The following DRC4 variants were observed in gnomAD, a reference collection of about 807,000 sequenced individuals.
The protein encoded by DRC4 is GAS-11.
the DRC4 span, among the ~76,000 whole-genome samples, chr16:90,041,660 T>A: frequency 6.6e-6 from 1 of 151,980 alleles, no homozygotes. Flanking sequence ...AAAAATTAGC[T>A]GGGCTTGGTG....
chr16:90,042,616 C>T, the DRC4 span: 27 of 1,133,716 alleles, frequency 2.4e-5, no homozygotes, highest in Non-Finnish European at 3.4e-5. Context: ...TCTGAGGACC[C>T]CACCTGTGCC....
At chr16:90,043,243 C>T in the DRC4 span, 59 of 1,613,660 alleles carry the variant, frequency 3.7e-5, no homozygotes, top group Admixed American at 2.8e-4. Flanking sequence ...TGCTGGCCTT[C>T]GGGATCCCTC....
chr16:90,044,166 C>A, the DRC4 span: 1 of 455,000 alleles, frequency 2.2e-6, no homozygotes, highest in Admixed American at 2.4e-5. Flanking sequence ...GCTTCTGCGG[C>A]GGCTCCAGTG....
chr16:90,027,597 G>A, the DRC4 span: 2 of 1,596,152 alleles, frequency 1.3e-6, no homozygotes, highest in African/African-American at 2.7e-5. Flanking sequence ...AGAAGGGGAA[G>A]CTGTTAGAGT....
At chr16:90,031,179 T>C in the DRC4 span, 4 of 1,532,538 alleles carry the variant, frequency 2.6e-6, no homozygotes, top group East Asian at 7.3e-5. Flanking sequence ...CATTTAGCTG[T>C]TTATTTTTAG....
chr16:90,042,565 G>T, the DRC4 span: 1 of 1,593,306 alleles, frequency 6.3e-7, no homozygotes, highest in East Asian at 2.2e-5. Context: ...TCCCTCAGGG[G>T]CACCCCCTCG....
the DRC4 span, among the ~76,000 whole-genome samples, chr16:90,024,168 G>T: frequency 8.5e-6 from 1 of 117,148 alleles, no homozygotes; most frequent in Non-Finnish European, 1.9e-5. Flanking sequence ...AAAATTAGCC[G>T]GGTGTGGTGG....
the DRC4 span, among the ~76,000 whole-genome samples, chr16:90,028,173 ATTTTTT>A: frequency 1.9e-4 from 12 of 63,832 alleles, no homozygotes; most frequent in Admixed American, 4.8e-4. Context: ...TTAATCGTTC[ATTTTTT>A]TTTTTTTTTT....
chr16:90,020,769 T>C, the DRC4 span: 5 of 152,240 alleles, frequency 3.3e-5, no homozygotes, highest in African/African-American at 1.2e-4. Flanking sequence ...CTGTCTAGGC[T>C]ATCCTGAGCT....
chr16:90,020,147 C>G, the DRC4 span: 3 of 554,878 alleles, frequency 5.4e-6, no homozygotes, highest in South Asian at 2.2e-5. Context: ...CACATTAGAT[C>G]ATTGCATTTG....
the DRC4 span, among the ~76,000 whole-genome samples, chr16:90,024,157 C>CACACACACACACACACAA: frequency 1.3e-5 from 2 of 148,814 alleles, no homozygotes; most frequent in Non-Finnish European, 3.0e-5. Context: ...CACACACACA[C>CACACACACACACACACAA]AAAATTAGCC....
At chr16:90,039,087 C>G in the DRC4 span, among the ~76,000 whole-genome samples, 15 of 152,204 alleles carry the variant, frequency 9.9e-5, no homozygotes, top group African/African-American at 3.4e-4. Flanking sequence ...CTAGGCTGTG[C>G]CAACTCTTGG....
chr16:90,043,223 G>C, the DRC4 span: 1 of 1,613,508 alleles, frequency 6.2e-7, no homozygotes, highest in Non-Finnish European at 8.5e-7. Context: ...GCGCACGTAT[G>C]AGGCAAAGCT....
the DRC4 span, chr16:90,043,393 C>T: frequency 9.2e-5 from 142 of 1,541,440 alleles, no homozygotes; most frequent in East Asian, 2.9e-4. Context: ...TAGGAACACT[C>T]GGGATGACAC....
At chr16:90,027,139 G>A in the DRC4 span, among the ~76,000 whole-genome samples, 1 of 150,230 alleles carries the variant, frequency 6.7e-6, no homozygotes, top group Non-Finnish European at 1.5e-5. Context: ...TGGCTGGAGT[G>A]CAGTGGTGTG....
chr16:90,042,750 C>T, the DRC4 span, among the ~76,000 whole-genome samples: 2 of 152,196 alleles, frequency 1.3e-5, no homozygotes, highest in Non-Finnish European at 2.9e-5. Context: ...CATGTCTCTG[C>T]TGGGATGGGT....
chr16:90,034,000 G>T, the DRC4 span, among the ~76,000 whole-genome samples: 2,693 of 151,690 alleles, frequency 0.018, 94 homozygotes, highest in African/African-American at 0.062. Context: ...GACTGGAGAC[G>T]GGTCAGAGCT....
chr16:90,044,491 G>A, the DRC4 span: 1 of 470,942 alleles, frequency 2.1e-6, no homozygotes, highest in Non-Finnish European at 4.4e-6. Flanking sequence ...CCAGCCCACT[G>A]GGGCTCTCAC....
At chr16:90,027,125 G>T in the DRC4 span, among the ~76,000 whole-genome samples, 1 of 147,272 alleles carries the variant, frequency 6.8e-6, no homozygotes, top group Non-Finnish European at 1.5e-5. Context: ...TCACTCTGTC[G>T]TCCTGGCTGG....
Sources: gnomAD v4.1 joint callset for allele counts (sites outside exome capture counted in the v4.1 genomes callset) on GRCh38, gnomAD v4.1.1 for gene constraint, MANE v1.5 for transcripts, NCBI Gene and HGNC (gene_info 2026-07-23, HGNC 2026-07-21) for gene names.